Variants in ZNF516 observed in about 807,000 individuals in gnomAD.
ZNF516 encodes the protein zinc finger protein 516.
Under a neutral mutation model 79.7 loss-of-function variants are expected in ZNF516, and 19 were observed. The ratio of observed to expected loss-of-function variants is 0.24; its 90% CI spans 0.17 to 0.35. The LOEUF is 0.35. ZNF516 is among the 10% of genes least tolerant of loss of function. The pLI is 1.00. For synonymous variants in ZNF516, 877 were observed against 739.5 expected (o/e 1.19, Z -3.02); for missense variants, 1,678 against 1,679.5 (o/e 1.00, Z 0.02).
At chr18:76,490,262 C>G in intron 1 of ZNF516, 1 of 924,308 alleles carries the variant, frequency 1.1e-6, no homozygotes, top group Non-Finnish European at 1.3e-6. Context: ...CAGGCTCCTA[C>G]GCAACTTCAC....
intron 1 of ZNF516, among the ~76,000 whole-genome samples, chr18:76,463,412 A>G (rs1200558677): frequency 6.6e-6 from 1 of 152,258 alleles, no homozygotes; most frequent in Non-Finnish European, 1.5e-5. Flanking sequence ...GAAGGTAACC[A>G]GGACGCCGCC....
intron 6 of ZNF516, among the ~76,000 whole-genome samples, chr18:76,369,827 G>A (rs1208132283): frequency 1.3e-5 from 2 of 152,196 alleles, no homozygotes; most frequent in African/African-American, 2.4e-5. Context: ...CAGGTGTGAC[G>A]TCCTCCAGGA....
intron 1 of ZNF516, among the ~76,000 whole-genome samples, chr18:76,465,270 T>G (rs972702457): frequency 6.6e-6 from 1 of 152,242 alleles, no homozygotes; most frequent in Non-Finnish European, 1.5e-5. Context: ...GATGCTTTCC[T>G]GCCCCTGGAC....
chr18:76,460,340 G>A (rs1055131667), intron 2 of ZNF516, among the ~76,000 whole-genome samples: 1 of 152,166 alleles, frequency 6.6e-6, no homozygotes, highest in Admixed American at 6.5e-5. Context: ...CCCATTCCCT[G>A]TCTTCCTGCC....
At chr18:76,419,489 T>C (rs1279268366) in intron 3 of ZNF516, among the ~76,000 whole-genome samples, 1 of 152,244 alleles carries the variant, frequency 6.6e-6, no homozygotes, top group African/African-American at 2.4e-5. Context: ...AATACTTCAA[T>C]TTCACAACAG....
intron 2 of ZNF516, among the ~76,000 whole-genome samples, chr18:76,445,257 C>CA (rs35777753): frequency 0.56 from 78,315 of 139,162 alleles, 21,192 homozygotes; most frequent in South Asian, 0.69. Context: ...ACTCCATCTC[C>CA]AAAAAAAAAA....
intron 3 of ZNF516, among the ~76,000 whole-genome samples, chr18:76,431,289 A>G (rs2075657169): frequency 2.0e-5 from 3 of 152,186 alleles, no homozygotes; most frequent in Admixed American, 2.0e-4. Flanking sequence ...ATCAAATAAA[A>G]CTTAAATGCT....
chr18:76,411,226 T>C (rs2075369257), intron 3 of ZNF516, among the ~76,000 whole-genome samples: 2 of 152,164 alleles, frequency 1.3e-5, no homozygotes, highest in African/African-American at 4.8e-5. Context: ...GCCTTGAGTG[T>C]CACAATCCTG....
intron 1 of ZNF516, among the ~76,000 whole-genome samples, chr18:76,476,862 C>T (rs767161333): frequency 1.3e-5 from 2 of 152,144 alleles, no homozygotes; most frequent in Non-Finnish European, 2.9e-5. Flanking sequence ...AGATGTATGC[C>T]GGTGCGGGGT....
Position 76,398,146 on chromosome 18 carries a change from C to T in ZNF516, c.1811-17843G>A, listed in dbSNP as rs184689996. Among the ~76,000 whole-genome samples, 252 of 152,260 alleles carry T rather than the reference C, an allele frequency of 1.7e-3. 1 individual carries two copies. The highest frequency in any genetic ancestry group is 5.7e-3 in the African/African-American group (238 of 41,550). On this transcript the variant is annotated intron_variant, in intron 3 of 6. Coordinates refer to ENST00000443185, the MANE Select transcript of ZNF516 (RefSeq NM_014643.4). ...TCCTATTGACTCAACCATAAAGAAG[C>T]GTCGCTCAGGTTTGGTTTTTCTGTT...
At position 76,488,797 on chromosome 18, in the gene ZNF516, G is replaced by T. The variant is rs145165055; in HGVS notation, c.-272+6347C>A. On this transcript the variant is annotated intron_variant, in intron 1 of 6. Coordinates refer to ENST00000443185, the MANE Select transcript of ZNF516 (RefSeq NM_014643.4). ...AGTTACACATCTCCAGTTAAATTTGGCCAGCTGAAAACCAAAGAGAAAGCT... is the reference window on the plus strand; with the variant it reads ...AGTTACACATCTCCAGTTAAATTTGTCCAGCTGAAAACCAAAGAGAAAGCT... Among the ~76,000 whole-genome samples the T allele has an allele frequency of 3.3e-5, 5 of 152,218 alleles. No individual in the cohort carries two copies. In the East Asian group the frequency reaches 9.6e-4, roughly 29 times the overall value.
At chr18:76,371,409 C>CAGAAGAGA in intron 5 of ZNF516, 58 bp downstream of exon 5, 1 of 1,502,258 alleles carries the variant, frequency 6.7e-7, no homozygotes, top group Non-Finnish European at 9.0e-7. Context: ...AAGCCACTGA[C>CAGAAGAGA]AGAAGAGACC....
chr18:76,495,823 TC>T (rs1217766469), upstream of ZNF516: 42 of 951,282 alleles, frequency 4.4e-5, no homozygotes, highest in Non-Finnish European at 5.2e-5. Flanking sequence ...CGTGTGCGTG[TC>T]ACTCAACTTC....
Position 76,462,586 on chromosome 18 carries a change from G to A in ZNF516, c.-158+442C>T, listed in dbSNP as rs141760458. On this transcript the variant is annotated intron_variant, in intron 2 of 6. Coordinates refer to ENST00000443185, the MANE Select transcript of ZNF516 (RefSeq NM_014643.4). ...TGCTCCGGCACCTCCCAGAAGAGAA[G>A]AGAGCTGTCTGCCCAAAAACATCGC... is the stretch of plus-strand genomic sequence containing the variant. Among the ~76,000 whole-genome samples, 146 of 152,342 alleles carry A rather than the reference G, an allele frequency of 9.6e-4. 1 individual carries two copies. Among genetic ancestry groups the A allele is most frequent in the African/African-American group, 3.2e-3 (131 of 41,574 alleles).
intron 2 of ZNF516, among the ~76,000 whole-genome samples, chr18:76,461,679 T>C (rs913656104): frequency 6.6e-6 from 1 of 152,240 alleles, no homozygotes; most frequent in Non-Finnish European, 1.5e-5. Flanking sequence ...TGGCACACAG[T>C]GGGCGCTTGA....
In ZNF516 at chr18:76,467,956, G is replaced by C. The variant is rs1292636962; in HGVS notation, c.-271-4815C>G. Among the ~76,000 whole-genome samples, 2 of 152,162 alleles carry C rather than the reference G, an allele frequency of 1.3e-5. No individual in the cohort carries two copies. The highest frequency in any genetic ancestry group is 2.1e-4 in the South Asian group (1 of 4,826). On this transcript the variant is annotated intron_variant, in intron 1 of 6. Transcript: ENST00000443185. This position sits in a 1 kb window ranked among gnomAD's most constrained non-coding sequence, Gnocchi z 4.2. ...CATCCCAGGCAGCCTTGCAAGCAAAGAGTAGCTGCGGCGCATTCCAGACCT... is the reference window on the plus strand; with the variant it reads ...CATCCCAGGCAGCCTTGCAAGCAAACAGTAGCTGCGGCGCATTCCAGACCT...
At position 76,473,530 on chromosome 18, in the gene ZNF516, G is replaced by A. The variant is rs181374770; in HGVS notation, c.-271-10389C>T. Among the ~76,000 whole-genome samples, 81 of 152,204 alleles carry A rather than the reference G, an allele frequency of 5.3e-4. 1 individual carries two copies. The East Asian group carries it at 9.5e-3, about 18-fold the overall frequency. On this transcript the variant is annotated intron_variant, in intron 1 of 6. Transcript: ENST00000443185. ...TAAACAAAAGTAGTTGGCTGGGTGCGGTGGCTCACGCCTGTAATCACAGCA... is the reference window on the plus strand; with the variant it reads ...TAAACAAAAGTAGTTGGCTGGGTGCAGTGGCTCACGCCTGTAATCACAGCA...
chr18:76,471,253 C>T (rs1223179881), intron 1 of ZNF516, among the ~76,000 whole-genome samples: 2 of 148,398 alleles, frequency 1.3e-5, no homozygotes, highest in Non-Finnish European at 1.5e-5. Flanking sequence ...ATCCTCCACA[C>T]GGAAAAAAAA....
intron 1 of ZNF516, among the ~76,000 whole-genome samples, chr18:76,487,605 T>C (rs1914903640): frequency 6.6e-6 from 1 of 152,190 alleles, no homozygotes; most frequent in Non-Finnish European, 1.5e-5. Context: ...ATGTAAACAT[T>C]TGACATGATT....
Sources: gnomAD v4.1 joint callset for allele counts (sites outside exome capture counted in the v4.1 genomes callset) on GRCh38, gnomAD v4.1.1 for gene constraint, Gnocchi (gnomAD v3.1) non-coding constraint, MANE v1.5 for transcripts, NCBI Gene and HGNC (gene_info 2026-07-23, HGNC 2026-07-21) for gene names.